Variants in KLF12 observed in about 807,000 individuals in gnomAD.
The protein encoded by KLF12 is Krueppel-like factor 12.
In KLF12, 9 loss-of-function variants were observed where a neutral mutation model predicts 37.8. The ratio of observed to expected loss-of-function variants is 0.24; its 90% CI spans 0.14 to 0.42. KLF12 has a LOEUF of 0.42. Among genes scored for constraint, KLF12 ranks in the 10% least tolerant of loss-of-function variants. KLF12 has a pLI of 1.00. For synonymous variants in KLF12, 208 were observed against 202.1 expected, an observed-to-expected ratio of 1.03 and a Z score of -0.25; for missense variants, 411 against 516.0, an observed-to-expected ratio of 0.80 and a Z score of 1.97.
At chr13:74,210,443 AT>A in the KLF12 span, among the ~76,000 whole-genome samples, 1 of 152,300 alleles carries the variant, frequency 6.6e-6, no homozygotes, top group East Asian at 1.9e-4. Flanking sequence ...AGCCTGCTGT[AT>A]TTAAAAATCT....
the KLF12 span, among the ~76,000 whole-genome samples, chr13:74,208,629 T>C: frequency 1.3e-5 from 2 of 152,092 alleles, no homozygotes; most frequent in Admixed American, 6.6e-5. Flanking sequence ...AATTTTTGGA[T>C]AAATACTTTC....
At chr13:73,823,163 T>C (rs1011448193) in intron 4 of KLF12, among the ~76,000 whole-genome samples, 4 of 152,182 alleles carry the variant, frequency 2.6e-5, no homozygotes, top group Non-Finnish European at 5.9e-5. Flanking sequence ...TTCTAGTTTG[T>C]GTACTGAGTA....
chr13:73,738,311 A>ATT (rs71115612), intron 6 of KLF12, among the ~76,000 whole-genome samples: 1 of 142,012 alleles, frequency 7.0e-6, no homozygotes, highest in African/African-American at 2.6e-5. Flanking sequence ...CGCCTGGCTA[A>ATT]TTTTTTTTTT....
chr13:73,937,629 G>T (rs953867064), intron 3 of KLF12, among the ~76,000 whole-genome samples: 33 of 152,150 alleles, frequency 2.2e-4, no homozygotes, highest in Non-Finnish European at 4.6e-4. Flanking sequence ...GGAGAATTAA[G>T]TTGAAAGAGA....
intron 1 of KLF12, among the ~76,000 whole-genome samples, chr13:73,999,449 A>G (rs1056274398): frequency 4.6e-5 from 7 of 152,152 alleles, no homozygotes; most frequent in African/African-American, 1.4e-4. Flanking sequence ...AAACCCAGGC[A>G]TAGGCCGGGC....
chr13:73,854,668 G>A (rs140158638), intron 3 of KLF12, among the ~76,000 whole-genome samples: 12 of 152,280 alleles, frequency 7.9e-5, no homozygotes, highest in Middle Eastern at 6.8e-3. Context: ...AACTACAGAT[G>A]CTCAAATCCG....
intron 6 of KLF12, among the ~76,000 whole-genome samples, chr13:73,734,789 G>A (rs568638993): frequency 6.6e-6 from 1 of 152,146 alleles, no homozygotes; most frequent in East Asian, 1.9e-4. Context: ...ATTATATCGA[G>A]TGTTTTCATT....
chr13:74,017,566 AC>A lies in KLF12; in HGVS notation c.-31-22514del, dbSNP rs1209697618. Among the ~76,000 whole-genome samples the A allele has an allele frequency of 3.2e-4, 25 of 78,964 alleles. No homozygotes were observed. In the Admixed American group the frequency reaches 3.5e-3, roughly 11 times the overall value. The allele number at this position is 78,964 out of a possible 152,430, so 51.8% of individuals were successfully genotyped here. On this transcript the variant is annotated intron_variant, in intron 1 of 7. Coordinates refer to ENST00000377669, the MANE Select transcript of KLF12 (RefSeq NM_007249.5). Reference sequence around the variant, plus strand: ...AGAGGCCCTCCTTCCTGTCCCCCCCACCCCCCAAAAAAAAACCTTTTTAAGT... The same window carrying A: ...AGAGGCCCTCCTTCCTGTCCCCCCCACCCCCAAAAAAAAACCTTTTTAAGT...
chr13:73,805,555 A>T (rs1408785079), intron 5 of KLF12, among the ~76,000 whole-genome samples: 1 of 146,228 alleles, frequency 6.8e-6, no homozygotes, highest in Non-Finnish European at 1.5e-5. Context: ...GGTTGCAGTG[A>T]TCTGAGATCA....
At chr13:73,760,987 C>T (rs916812238) in intron 6 of KLF12, among the ~76,000 whole-genome samples, 3 of 152,116 alleles carry the variant, frequency 2.0e-5, no homozygotes, top group African/African-American at 7.2e-5. Flanking sequence ...ACCACCCTGT[C>T]CTATGCCAGC....
At position 73,741,228 on chromosome 13, in the gene KLF12, G is replaced by A. The variant is rs943630052; in HGVS notation, c.869+23710C>T. On this transcript the variant is annotated intron_variant, in intron 6 of 7. Transcript: ENST00000377669. ...CCCAAAACCCAATTAGATGAAACACGTCGATGTGATGAGGAAGCACGACTG... is the reference window on the plus strand; with the variant it reads ...CCCAAAACCCAATTAGATGAAACACATCGATGTGATGAGGAAGCACGACTG... Among the ~76,000 whole-genome samples, 3 of 152,046 alleles carry A rather than the reference G, an allele frequency of 2.0e-5. No individual in the cohort carries two copies. The East Asian group carries it at 5.8e-4, about 29-fold the overall frequency.
chr13:74,237,251 T>G, the KLF12 span, among the ~76,000 whole-genome samples: 1 of 131,052 alleles, frequency 7.6e-6, no homozygotes, highest in African/African-American at 3.8e-5. Flanking sequence ...CAGATAGTTG[T>G]AGATATGCGG....
At chr13:73,751,012 G>A (rs1878716193) in intron 6 of KLF12, among the ~76,000 whole-genome samples, 2 of 152,164 alleles carry the variant, frequency 1.3e-5, no homozygotes, top group South Asian at 4.1e-4. Context: ...AAAGACAGGA[G>A]CAATCCCATT....
At chr13:73,739,295 G>A (rs1594032205) in intron 6 of KLF12, among the ~76,000 whole-genome samples, 1 of 151,262 alleles carries the variant, frequency 6.6e-6, no homozygotes, top group South Asian at 2.1e-4. Flanking sequence ...GTCTTAAAGG[G>A]TGTGGAAAGG....
intron 2 of KLF12, among the ~76,000 whole-genome samples, chr13:73,988,454 A>C (rs1891883630): frequency 6.6e-6 from 1 of 152,230 alleles, no homozygotes; most frequent in Admixed American, 6.5e-5. Flanking sequence ...TTTCTAGCCC[A>C]GTGTCTAACA....
intron 6 of KLF12, among the ~76,000 whole-genome samples, chr13:73,738,078 T>G (rs944381906): frequency 1.4e-5 from 2 of 144,970 alleles, no homozygotes; most frequent in Non-Finnish European, 3.0e-5. Context: ...TACACACACA[T>G]ATATGTATGT....
At chr13:74,055,796 T>C (rs1032804649) in intron 1 of KLF12, among the ~76,000 whole-genome samples, 1 of 152,098 alleles carries the variant, frequency 6.6e-6, no homozygotes, top group South Asian at 2.1e-4. Flanking sequence ...AGGTGGACAA[T>C]AAGCAGTGTA....
At chr13:73,966,674 C>T (rs1242499563) in intron 2 of KLF12, among the ~76,000 whole-genome samples, 1 of 152,130 alleles carries the variant, frequency 6.6e-6, no homozygotes, top group African/African-American at 2.4e-5. Flanking sequence ...TTACATTTGC[C>T]CCCAATCTTC....
intron 6 of KLF12, among the ~76,000 whole-genome samples, chr13:73,751,952 ATACATTCATACAGC>A (rs2137976310): frequency 6.6e-6 from 1 of 152,172 alleles, no homozygotes; most frequent in East Asian, 1.9e-4. Context: ...GCAGCCTTAG[ATACATTCATACAGC>A]TTCTGTCCAG....
Sources: allele counts gnomAD v4.1 joint callset (sites outside exome capture counted in the v4.1 genomes callset), GRCh38; gene constraint gnomAD v4.1.1; transcripts MANE v1.5; gene names NCBI Gene and HGNC (gene_info 2026-07-23, HGNC 2026-07-21).